Variants in ICE1 observed in about 807,000 individuals in gnomAD.
ICE1 encodes the protein little elongation complex subunit 1.
In ICE1, 64 loss-of-function variants were observed where a neutral mutation model predicts 192.7. That is an observed-to-expected ratio of 0.33 (90% confidence interval 0.27 to 0.41). The LOEUF is 0.41. Ranked by LOEUF, ICE1 falls within the 10% of genes least tolerant of loss-of-function variation. The pLI is 1.00. For synonymous variants in ICE1, 1,010 were observed against 984.5 expected, an observed-to-expected ratio of 1.03 and a Z score of -0.49; for missense variants, 2,708 against 2,696.0, an observed-to-expected ratio of 1.00 and a Z score of -0.10.
At chr5:5,436,798 A>G (rs569469352) in intron 2 of ICE1, among the ~76,000 whole-genome samples, 3 of 152,276 alleles carry the variant, frequency 2.0e-5, no homozygotes, top group South Asian at 2.1e-4. Context: ...TTTTATAGCC[A>G]TGGTGTGAGA....
chr5:5,435,322 C>T (rs1358943283), intron 1 of ICE1, among the ~76,000 whole-genome samples: 1 of 151,836 alleles, frequency 6.6e-6, no homozygotes, highest in Non-Finnish European at 1.5e-5. Flanking sequence ...GAAGAAAAGG[C>T]AGACATTATC....
intron 17 of ICE1, among the ~76,000 whole-genome samples, chr5:5,476,765 C>G (rs1313698079): frequency 2.6e-5 from 4 of 152,162 alleles, no homozygotes; most frequent in African/African-American, 9.7e-5. Flanking sequence ...CCAGGCCCCA[C>G]CTCCAGCACT....
rs1737624944 is a variant in ICE1 at position 5,429,252 on chromosome 5, C to G, written c.84+6253C>G. 2.0e-5 allele frequency among the ~76,000 whole-genome samples: 3 copies of G among 152,140 alleles called. No individual in the cohort carries two copies. The South Asian group carries it at 6.2e-4, about 32-fold the overall frequency. ...CCTCTGCCTAGCAAGCACCAAGATT[C>G]CAGACCCCCACAAGGAAAGCAGGTG... On this transcript the variant is annotated intron_variant, in intron 1 of 18. Coordinates refer to ENST00000296564, the MANE Select transcript of ICE1 (RefSeq NM_015325.3).
intron 14 of ICE1, among the ~76,000 whole-genome samples, chr5:5,468,586 A>G (rs1281382878): frequency 6.6e-6 from 1 of 152,252 alleles, no homozygotes; most frequent in Non-Finnish European, 1.5e-5. Flanking sequence ...AAACCTATGT[A>G]ATGCATAAAA....
At chr5:5,438,038 A>G (rs1003471873) in intron 3 of ICE1, among the ~76,000 whole-genome samples, 2 of 152,222 alleles carry the variant, frequency 1.3e-5, no homozygotes, top group Non-Finnish European at 2.9e-5. Flanking sequence ...AGACTGGGTA[A>G]TGTATAAAGG....
chr5:5,440,917 GA>G (rs888529203), intron 4 of ICE1, among the ~76,000 whole-genome samples, 194 bp from the exon 5 acceptor site: 12 of 146,270 alleles, frequency 8.2e-5, no homozygotes, highest in African/African-American at 1.5e-4. Flanking sequence ...AGAAAGAAAA[GA>G]AAAAAAAAAT....
intron 12 of ICE1, among the ~76,000 whole-genome samples, chr5:5,458,640 G>C (rs1738656673): frequency 6.6e-6 from 1 of 152,190 alleles, no homozygotes. Context: ...GGTGAGCTCT[G>C]TGTGTGGTAG....
chr5:5,429,816 A>G (rs768780341), intron 1 of ICE1, among the ~76,000 whole-genome samples: 2 of 152,176 alleles, frequency 1.3e-5, no homozygotes, highest in Non-Finnish European at 2.9e-5. Context: ...CACAGTGACA[A>G]TTCAGGAGGG....
intron 15 of ICE1, among the ~76,000 whole-genome samples, chr5:5,473,172 G>A (rs1458634846): frequency 6.6e-6 from 1 of 152,196 alleles, no homozygotes; most frequent in Non-Finnish European, 1.5e-5. Flanking sequence ...CGAAAAGGCA[G>A]ACTGATACTC....
chr5:5,460,859 T>C lies in ICE1; in HGVS notation c.1525T>C (p.Cys509Arg), dbSNP rs1255488604. The change falls in exon 13 of 19, where the codon TGC becomes CGC. Residue 509 changes from cysteine (C) to arginine (R), a missense_variant. Cys to Arg is a radical substitution (Grantham distance 180). Transcript: ENST00000296564. Reference protein sequence around the residue: ...KTIHKLTRGLCIERLSASPAQ... With the variant: ...KTIHKLTRGLRIERLSASPAQ... ...CATTCATAAACTCACTCGAGGTCTA[T>C]GCATTGAGAGATTGTCTGCCAGCCC... 2 of 1,613,922 alleles carry C rather than the reference T, an allele frequency of 1.2e-6. No homozygotes were observed. Among genetic ancestry groups the C allele is most frequent in the South Asian group, 1.1e-5 (1 of 91,092 alleles).
rs749382106 is a variant in ICE1, at chr5:5,464,361, C to G, written c.5027C>G (p.Pro1676Arg). The G allele has an allele frequency of 5.6e-6, 9 of 1,613,798 alleles. No homozygotes were observed. In the South Asian group the frequency reaches 9.9e-5, roughly 18 times the overall value. Residue 1676 changes from proline (P) to arginine (R), a missense_variant, in exon 13 of 19, where the codon CCA becomes CGA. This residue lies in a region of ICE1 where 2,366 missense variants were observed against 2,276.6 expected (regional missense o/e 1.04). Coordinates refer to ENST00000296564, the MANE Select transcript of ICE1 (RefSeq NM_015325.3). The surrounding 1 kb of genome is among the most constrained non-coding windows in gnomAD (Gnocchi z 4.0). ...CAGGTTTCTCCCTTCCGTGAAACCCCAGTGCCTCCTGCCATGTCTCCATGG... is the reference window on the plus strand; with the variant it reads ...CAGGTTTCTCCCTTCCGTGAAACCCGAGTGCCTCCTGCCATGTCTCCATGG... Reference protein sequence around the residue: ...VGQVSPFRETPVPPAMSPWPE... With the variant: ...VGQVSPFRETRVPPAMSPWPE...
chr5:5,435,658 T>TTTG (rs1561074217), intron 1 of ICE1, among the ~76,000 whole-genome samples: 4 of 130,790 alleles, frequency 3.1e-5, no homozygotes, highest in African/African-American at 1.2e-4. Flanking sequence ...CAAATTTGTG[T>TTTG]TTTTTTTTTT....
chr5:5,426,364 G>C (rs1737518363), intron 1 of ICE1, among the ~76,000 whole-genome samples: 1 of 151,202 alleles, frequency 6.6e-6, no homozygotes, highest in Non-Finnish European at 1.5e-5. Context: ...AGAATTGCTT[G>C]AACCTGGGAG....
chr5:5,457,792 C>T, intron 12 of ICE1, 51 bp downstream of exon 12: 3 of 1,479,022 alleles, frequency 2.0e-6, no homozygotes, highest in Admixed American at 1.9e-5. Flanking sequence ...ATTGTCTATC[C>T]TAATATGTCC....
At chr5:5,467,277 G>C (rs532332237) in intron 14 of ICE1, among the ~76,000 whole-genome samples, 193 of 152,300 alleles carry the variant, frequency 1.3e-3, no homozygotes, top group African/African-American at 4.5e-3. Flanking sequence ...ATTAAAATCA[G>C]ATGGAGGTAC....
intron 1 of ICE1, among the ~76,000 whole-genome samples, chr5:5,432,747 T>C (rs989422563): frequency 1.3e-5 from 2 of 152,250 alleles, no homozygotes; most frequent in Non-Finnish European, 2.9e-5. Context: ...TTTTTTCAAT[T>C]TTAAGAGCTC....
intron 17 of ICE1, among the ~76,000 whole-genome samples, chr5:5,486,515 A>C (rs1281899120): frequency 6.6e-6 from 1 of 152,178 alleles, no homozygotes; most frequent in African/African-American, 2.4e-5. Flanking sequence ...CATTGGCCCT[A>C]CTGAAACCAT....
Position 5,445,825 on chromosome 5 carries a change from C to T in ICE1, c.424+1499C>T, listed in dbSNP as rs532992571. Among the ~76,000 whole-genome samples the T allele has an allele frequency of 1.8e-3, 272 of 151,692 alleles. 3 individuals carry two copies. The highest frequency in any genetic ancestry group is 3.3e-3 in the Non-Finnish European group (227 of 67,902). ...TCGGCTCTCTACAACCTCTGTCTCC[C>T]GGGTTCTGCTTCAGCCTCCTGAGTA... On this transcript the variant is annotated intron_variant, in intron 7 of 18. Transcript: ENST00000296564.
intron 17 of ICE1, among the ~76,000 whole-genome samples, chr5:5,482,775 A>AACACAC (rs70965943): frequency 0.052 from 7,028 of 135,996 alleles, 257 homozygotes; most frequent in South Asian, 0.12. Flanking sequence ...CCCACCCCCC[A>AACACAC]ACACACACAC....
Sources: gnomAD v4.1 joint callset for allele counts (sites outside exome capture counted in the v4.1 genomes callset) on GRCh38, gnomAD v4.1.1 for gene constraint, gnomAD v4.1.1 regional missense constraint, Gnocchi (gnomAD v3.1) non-coding constraint, MANE v1.5 for transcripts, NCBI Gene and HGNC (gene_info 2026-07-23, HGNC 2026-07-21) for gene names.